Variants in GRTP1 observed in about 807,000 individuals in gnomAD.
GRTP1 encodes growth hormone-regulated TBC protein 1.
In GRTP1, 56 loss-of-function variants were observed where a neutral mutation model predicts 38.1. That is an observed-to-expected ratio of 1.47 (90% CI 1.19 to 1.84). GRTP1 has a LOEUF of 1.84. GRTP1 is among the 40% of genes most tolerant of loss of function. The pLI is 0.00. For missense variants in GRTP1, 506 were observed against 453.9 expected (o/e 1.11, Z -1.04); for synonymous variants, 217 against 189.5 (o/e 1.14, Z -1.19).
At chr13:113,344,285 C>G (rs1365933032) in intron 5 of GRTP1, among the ~76,000 whole-genome samples, 2 of 152,228 alleles carry the variant, frequency 1.3e-5, no homozygotes, top group Non-Finnish European at 2.9e-5. Flanking sequence ...CACACAGCCC[C>G]AGCTGCCCAC....
At chr13:113,346,159 T>C (rs1315135668) in intron 4 of GRTP1, among the ~76,000 whole-genome samples, 1 of 145,496 alleles carries the variant, frequency 6.9e-6, no homozygotes, top group Non-Finnish European at 1.5e-5. Flanking sequence ...AGGACCTCTG[T>C]GCCTGACAGT....
chr13:113,350,707 G>T, intron 4 of GRTP1, 142 bp downstream of exon 4: 1 of 767,658 alleles, frequency 1.3e-6, no homozygotes, highest in Non-Finnish European at 2.0e-6. Context: ...GGGAAATGGC[G>T]TCCGAGCCTC....
chr13:113,363,106 G>A (rs1312959413), intron 2 of GRTP1, among the ~76,000 whole-genome samples: 2 of 152,216 alleles, frequency 1.3e-5, no homozygotes, highest in Admixed American at 1.3e-4. Flanking sequence ...CCCGGAGGAG[G>A]GGGCCCTGCA....
chr13:113,337,493 T>G (rs2042969485), intron 5 of GRTP1, among the ~76,000 whole-genome samples: 1 of 152,228 alleles, frequency 6.6e-6, no homozygotes, highest in Non-Finnish European at 1.5e-5. Context: ...CGGCAATGAC[T>G]TTTTTCCCTA....
rs985405413 is a variant in GRTP1 at position 113,342,883 on chromosome 13, G to A, written c.562+1980C>T. On this transcript the variant is annotated intron_variant, in intron 5 of 7. Coordinates refer to ENST00000375431, the MANE Select transcript of GRTP1 (RefSeq NM_024719.4). This position sits in a 1 kb window ranked among gnomAD's most constrained non-coding sequence, Gnocchi z 4.5. ...TCAACTTAATCTCATAATGAATATC[G>A]GAAGTGACGTCGTACGGACTGAAAA... Among the ~76,000 whole-genome samples, 5 of 151,956 alleles carry A rather than the reference G, an allele frequency of 3.3e-5. No individual in the cohort carries two copies. The highest frequency in any genetic ancestry group is 9.7e-5 in the African/African-American group (4 of 41,360).
chr13:113,345,715 G>A (rs557246662), intron 4 of GRTP1, among the ~76,000 whole-genome samples: 3 of 152,360 alleles, frequency 2.0e-5, no homozygotes, highest in East Asian at 3.9e-4. Context: ...GCAGCGCGGC[G>A]GCTTCAGTCA....
chr13:113,351,125 C>T lies in GRTP1; in HGVS notation c.341-152G>A, dbSNP rs995122042. 8 of 924,604 alleles carry T rather than the reference C, an allele frequency of 8.7e-6. No individual in the cohort carries two copies. The East Asian group carries it at 1.0e-4, about 12-fold the overall frequency. 57.3% of individuals were successfully genotyped at this position (924,604 alleles called of 1,614,324 possible). A position where few individuals can be genotyped will look rare whatever the true frequency, so the allele number is the denominator to read the frequency against. ...CACAGCAGACTCAACACAGCCAGAG[C>T]GACAGGCTCACTGGGCCAGGAAGGA... On this transcript the variant is annotated intron_variant, in intron 3 of 7. Coordinates refer to ENST00000375431, the MANE Select transcript of GRTP1 (RefSeq NM_024719.4).
intron 2 of GRTP1, among the ~76,000 whole-genome samples, chr13:113,357,504 T>C (rs895221911): frequency 5.3e-5 from 8 of 151,122 alleles, no homozygotes; most frequent in African/African-American, 1.9e-4. Context: ...AGAAACATAT[T>C]TGAGGATCAT....
At chr13:113,340,903 T>C (rs1401888462) in intron 5 of GRTP1, among the ~76,000 whole-genome samples, 1 of 152,232 alleles carries the variant, frequency 6.6e-6, no homozygotes, top group Non-Finnish European at 1.5e-5. Context: ...AGATGTTCTA[T>C]TTTCTCTCTC....
intron 7 of GRTP1, chr13:113,324,976 G>T: frequency 1.9e-6 from 1 of 526,164 alleles, no homozygotes; most frequent in Non-Finnish European, 2.5e-6. Flanking sequence ...ACATAAGCGT[G>T]AGCCACCACA....
intron 5 of GRTP1, among the ~76,000 whole-genome samples, chr13:113,336,275 C>T (rs1056974105): frequency 1.5e-4 from 22 of 149,116 alleles, no homozygotes; most frequent in African/African-American, 5.2e-4. Flanking sequence ...TCTGGAAACA[C>T]ACCCAGCAGT....
At chr13:113,361,493 G>A (rs1256714926) in intron 2 of GRTP1, 2 of 152,204 alleles carry the variant, frequency 1.3e-5, no homozygotes, top group South Asian at 2.1e-4. Flanking sequence ...GCAAAGACGG[G>A]AGAATGACTG....
chr13:113,353,016 C>T (rs533625672), intron 3 of GRTP1, among the ~76,000 whole-genome samples: 303 of 150,756 alleles, frequency 2.0e-3, no homozygotes, highest in African/African-American at 7.1e-3. Flanking sequence ...AAAGCAGGGA[C>T]CCAGCCCCAC....
intron 2 of GRTP1, among the ~76,000 whole-genome samples, chr13:113,359,258 G>A (rs1044791414): frequency 2.6e-5 from 4 of 152,202 alleles, no homozygotes; most frequent in Non-Finnish European, 4.4e-5. Flanking sequence ...TGTTGAAGGC[G>A]ACAGAATCTT....
At chr13:113,350,788 C>G in intron 4 of GRTP1, 61 bp downstream of exon 4, 1 of 1,426,370 alleles carries the variant, frequency 7.0e-7, no homozygotes, top group South Asian at 1.5e-5. Flanking sequence ...GCCGAGCCTG[C>G]AGCTGTGGAC....
chr13:113,329,083 G>A (rs555469617), intron 5 of GRTP1, among the ~76,000 whole-genome samples: 5 of 152,392 alleles, frequency 3.3e-5, no homozygotes, highest in Admixed American at 1.3e-4. Context: ...TCTCCAGGGT[G>A]TGCGTGACAC....
intron 2 of GRTP1, among the ~76,000 whole-genome samples, chr13:113,356,326 G>GGCGCA (rs2043385704): frequency 6.6e-6 from 1 of 151,934 alleles, no homozygotes; most frequent in Non-Finnish European, 1.5e-5. Context: ...GGAGTGCAGT[G>GGCGCA]GTGCAATCTT....
rs151334368 is a variant in GRTP1 at position 113,343,751 on chromosome 13, C to T, written c.562+1112G>A. ...GTGCTCACCAGGCAGGAGCTGGAGC[C>T]ACACACCCCCAGGCTCCAAACACTG... On this transcript the variant is annotated intron_variant, in intron 5 of 7. Coordinates refer to ENST00000375431, the MANE Select transcript of GRTP1 (RefSeq NM_024719.4). This position sits in a 1 kb window ranked among gnomAD's most constrained non-coding sequence, Gnocchi z 4.8. Among the ~76,000 whole-genome samples, 136 of 152,352 alleles carry T rather than the reference C, an allele frequency of 8.9e-4. No homozygotes were observed. The highest frequency in any genetic ancestry group is 3.4e-3 in the Middle Eastern group (1 of 294).
At chr13:113,355,129 C>A in intron 3 of GRTP1, 194 bp downstream of exon 3, 1 of 576,780 alleles carries the variant, frequency 1.7e-6, no homozygotes, top group Non-Finnish European at 3.0e-6. Flanking sequence ...TGAATATCTG[C>A]TGAGTGAATT....
Sources: gnomAD v4.1 joint callset for allele counts (sites outside exome capture counted in the v4.1 genomes callset) on GRCh38, gnomAD v4.1.1 for gene constraint, Gnocchi (gnomAD v3.1) non-coding constraint, MANE v1.5 for transcripts, NCBI Gene and HGNC (gene_info 2026-07-23, HGNC 2026-07-21) for gene names.